The following RORB variants were observed in gnomAD, a reference collection of about 807,000 sequenced individuals.
The protein encoded by RORB is nuclear receptor ROR-beta.
RORB carries 6 observed loss-of-function variants against 59.1 expected under a neutral mutation model. That is an observed-to-expected ratio of 0.10 (90% CI 0.06 to 0.20). The LOEUF (loss-of-function observed/expected upper bound fraction) is 0.20. Among genes scored for constraint, RORB ranks in the 10% least tolerant of loss-of-function variants. The probability of loss-of-function intolerance (pLI) is 1.00; values close to 1 mark genes in which losing one functional copy is unlikely to be tolerated. For synonymous variants in RORB, 215 were observed against 204.5 expected (o/e 1.05, Z -0.44); for missense variants, 320 against 560.5 (o/e 0.57, Z 4.33).
chr9:74,499,745 A>G (rs1488111502), intron 1 of RORB, among the ~76,000 whole-genome samples: 1 of 152,006 alleles, frequency 6.6e-6, no homozygotes, highest in Non-Finnish European at 1.5e-5. Context: ...CATCCCATCC[A>G]TTCTTTCGGT....
chr9:74,563,261 C>T (rs944732595), intron 1 of RORB, among the ~76,000 whole-genome samples: 24 of 150,442 alleles, frequency 1.6e-4, no homozygotes, highest in Non-Finnish European at 3.1e-4. Flanking sequence ...TCTCGGCTCA[C>T]TGCAACTTCC....
At chr9:74,581,890 G>A (rs1018317770) in intron 1 of RORB, among the ~76,000 whole-genome samples, 2 of 152,106 alleles carry the variant, frequency 1.3e-5, no homozygotes, top group South Asian at 4.1e-4. Flanking sequence ...CCTGCTATGT[G>A]CTTTATACAT....
At chr9:74,578,086 C>A (rs1434362676) in intron 1 of RORB, among the ~76,000 whole-genome samples, 1 of 146,636 alleles carries the variant, frequency 6.8e-6, no homozygotes, top group Non-Finnish European at 1.5e-5. Context: ...CAAGGTCATA[C>A]AGGAGCAAAT....
chr9:74,572,954 A>G (rs931702667), intron 1 of RORB, among the ~76,000 whole-genome samples: 14 of 152,194 alleles, frequency 9.2e-5, no homozygotes, highest in Admixed American at 9.2e-4. Flanking sequence ...TTGAGACGGT[A>G]ATTTTCACTC....
chr9:74,627,144 G>C (rs141350416), intron 1 of RORB, among the ~76,000 whole-genome samples: 2,087 of 135,250 alleles, frequency 0.015, 47 homozygotes, highest in African/African-American at 0.052. Flanking sequence ...CCTGGCAACA[G>C]AGCAAGACTC....
intron 4 of RORB, among the ~76,000 whole-genome samples, chr9:74,651,606 C>A (rs1168158045): frequency 6.6e-6 from 1 of 151,830 alleles, no homozygotes; most frequent in Non-Finnish European, 1.5e-5. Flanking sequence ...TCACACAGAC[C>A]TTAGAAAACA....
At chr9:74,594,824 G>A (rs1397008848) in intron 1 of RORB, among the ~76,000 whole-genome samples, 1 of 152,144 alleles carries the variant, frequency 6.6e-6, no homozygotes, top group East Asian at 1.9e-4. Context: ...AAGAGGGAGG[G>A]AGGGAAGCTG....
chr9:74,579,143 A>C (rs1449051749), intron 1 of RORB, among the ~76,000 whole-genome samples: 1 of 152,118 alleles, frequency 6.6e-6, no homozygotes, highest in African/African-American at 2.4e-5. Context: ...ATAAGCAACA[A>C]TTTATATTTA....
chr9:74,543,386 TGGGAAAACAACAGA>T (rs1826441720), intron 1 of RORB, among the ~76,000 whole-genome samples: 1 of 152,242 alleles, frequency 6.6e-6, no homozygotes, highest in African/African-American at 2.4e-5. Flanking sequence ...TCATGTATTG[TGGGAAAACAACAGA>T]GGCCCATTTG....
Position 74,497,938 on chromosome 9 carries a change from CA to C in RORB, c.-38del. On this transcript the variant is annotated 5_prime_UTR_variant, in exon 1 of 10. Coordinates refer to ENST00000376896, the MANE Select transcript of RORB (RefSeq NM_006914.4). ...GGCTCTCCGGGGTTCGGGCTGGGAG[CA>C]GCTTCATGACTACGCGGAGCGGGAG... is the stretch of plus-strand genomic sequence containing the variant. The C allele has an allele frequency of 6.2e-7, 1 of 1,610,286 alleles. No individual in the cohort carries two copies. Among genetic ancestry groups the C allele is most frequent in the Non-Finnish European group, 8.5e-7 (1 of 1,178,534 alleles).
At chr9:74,651,843 C>T (rs1272746304) in intron 4 of RORB, among the ~76,000 whole-genome samples, 2 of 152,164 alleles carry the variant, frequency 1.3e-5, no homozygotes, top group African/African-American at 2.4e-5. Flanking sequence ...TAAAACTTCA[C>T]TTTTAAATGT....
intron 1 of RORB, among the ~76,000 whole-genome samples, chr9:74,620,064 G>T (rs1450029747): frequency 4.6e-5 from 7 of 152,188 alleles, no homozygotes; most frequent in Non-Finnish European, 1.0e-4. Context: ...CATAAAATGA[G>T]TTAGGGAGGA....
chr9:74,683,872 G>T lies in RORB; in HGVS notation c.1225-1591G>T, dbSNP rs114904174. On this transcript the variant is annotated intron_variant, in intron 9 of 9. Coordinates refer to ENST00000376896, the MANE Select transcript of RORB (RefSeq NM_006914.4). ...ACAAACAAGAGTCATAATGTTTTGT[G>T]CATTCTGGTGTTTAGCCAAGTGCCT... Among the ~76,000 whole-genome samples, 460 of 152,264 alleles carry T rather than the reference G, an allele frequency of 3.0e-3. 2 individuals are homozygous for T. The highest frequency in any genetic ancestry group is 0.011 in the African/African-American group (446 of 41,562).
intron 1 of RORB, among the ~76,000 whole-genome samples, chr9:74,606,571 C>T (rs925185943): frequency 2.0e-5 from 3 of 152,198 alleles, no homozygotes; most frequent in African/African-American, 7.2e-5. Context: ...ACTTGGGCTG[C>T]ACACAGAGAT....
intron 1 of RORB, among the ~76,000 whole-genome samples, chr9:74,523,298 T>C (rs1018583): frequency 0.02 from 3,103 of 151,870 alleles, 87 homozygotes; most frequent in Admixed American, 0.087. Context: ...ATCTCAGTAG[T>C]CTTCTAATTT....
chr9:74,567,466 C>T (rs1025295898), intron 1 of RORB, among the ~76,000 whole-genome samples: 7 of 151,976 alleles, frequency 4.6e-5, no homozygotes, highest in Admixed American at 3.3e-4. Flanking sequence ...CTCACATAAC[C>T]AAGATAGGGA....
At chr9:74,664,648 A>G (rs778803988) in intron 6 of RORB, among the ~76,000 whole-genome samples, 6 of 152,234 alleles carry the variant, frequency 3.9e-5, no homozygotes, top group Non-Finnish European at 8.8e-5. Context: ...ATAAGCCTCT[A>G]TGCTAGGTGA....
chr9:74,558,172 T>G (rs1390448857), intron 1 of RORB, among the ~76,000 whole-genome samples: 1 of 152,174 alleles, frequency 6.6e-6, no homozygotes, highest in African/African-American at 2.4e-5. Context: ...TTGATTAATG[T>G]TATATTCCAT....
At chr9:74,654,586 G>C (rs1824050997) in intron 4 of RORB, among the ~76,000 whole-genome samples, 1 of 152,050 alleles carries the variant, frequency 6.6e-6, no homozygotes, top group African/African-American at 2.4e-5. Context: ...TTCTAGGGAG[G>C]TTTGACAATT....
Sources: gnomAD v4.1 joint callset for allele counts (sites outside exome capture counted in the v4.1 genomes callset) on GRCh38, gnomAD v4.1.1 for gene constraint, MANE v1.5 for transcripts, NCBI Gene and HGNC (gene_info 2026-07-23, HGNC 2026-07-21) for gene names.